KLHL4: variants seen among roughly 807,000 people sequenced by gnomAD.
KLHL4 encodes the protein kelch like family member 4.
In KLHL4, 17 loss-of-function variants were observed where a neutral mutation model predicts 45.8. That is an observed-to-expected ratio of 0.37 (90% CI 0.25 to 0.56). The LOEUF is 0.56. Among genes scored for constraint, KLHL4 ranks in the 20% least tolerant of loss-of-function variants. The pLI is 0.79. For synonymous variants in KLHL4, 224 were observed against 189.9 expected, an observed-to-expected ratio of 1.18 and a Z score of -1.47; for missense variants, 544 against 544.9, an observed-to-expected ratio of 1.00 and a Z score of 0.02.
chrX:87,628,397 A>T (rs1923003206), intron 6 of KLHL4, among the ~76,000 whole-genome samples: 1 of 111,929 alleles, frequency 8.9e-6, no homozygotes, highest in Admixed American at 9.5e-5. Flanking sequence ...AAAAAAAAGA[A>T]AAAAGAGAAA....
At chrX:87,521,698 C>T (rs1931004832) in intron 1 of KLHL4, among the ~76,000 whole-genome samples, 1 of 112,118 alleles carries the variant, frequency 8.9e-6, no homozygotes, top group South Asian at 3.7e-4. Flanking sequence ...GGGTACTTCT[C>T]CTGTGCCAAG....
chrX:87,575,186 C>T (rs1165820958), intron 1 of KLHL4, among the ~76,000 whole-genome samples: 1 of 111,656 alleles, frequency 9.0e-6, no homozygotes, highest in Non-Finnish European at 1.9e-5. Context: ...TAATGGTCCG[C>T]GGTCTGATAG....
intron 1 of KLHL4, 91 bp from the exon 2 acceptor site, chrX:87,613,786 C>G: frequency 9.9e-6 from 6 of 604,206 alleles, no homozygotes; most frequent in Non-Finnish European, 1.4e-5. Context: ...GCCTAAATTT[C>G]CACTACATGT....
chrX:87,622,427 T>C lies in KLHL4; in HGVS notation c.1137+4T>C, dbSNP rs1922782721. 3 of 1,142,886 alleles carry C rather than the reference T, an allele frequency of 2.6e-6. No individual in the cohort carries two copies. The highest frequency in any genetic ancestry group is 3.6e-6 in the Non-Finnish European group (3 of 842,146). The allele number at this position is 1,142,886 out of a possible 1,213,427, so 94.2% of individuals were successfully genotyped here. ...ACTGCCATTACTCCCACCACAGGTA[T>C]GGAAAATTACCTAGGTAATTTAAAA... On this transcript the variant is annotated splice_donor_region_variant and intron_variant, in intron 5 of 10. Coordinates refer to ENST00000373119, the MANE Select transcript of KLHL4 (RefSeq NM_019117.5).
At chrX:87,620,674 T>C (rs1056384203) in intron 4 of KLHL4, among the ~76,000 whole-genome samples, 11 of 112,457 alleles carry the variant, frequency 9.8e-5, no homozygotes, top group East Asian at 2.8e-4. Context: ...ATATCACTTA[T>C]GAAAAGCAGT....
In KLHL4 at chrX:87,623,868, T is replaced by A. The variant is rs191228380; in HGVS notation, c.1137+1445T>A. The stretch of plus-strand genomic sequence containing the variant: ...GTTTGGGTGAAGGTATACACTTATA[T>A]GTATTATTTTCAAGAAAAGTTCTAT... On this transcript the variant is annotated intron_variant, in intron 5 of 10. Transcript: ENST00000373119. Among the ~76,000 whole-genome samples the A allele has an allele frequency of 4.6e-3, 518 of 111,775 alleles. 2 individuals carry two copies. The highest frequency in any genetic ancestry group is 9.1e-3 in the Admixed American group (95 of 10,418).
intron 9 of KLHL4, among the ~76,000 whole-genome samples, chrX:87,646,352 T>C (rs757989195): frequency 1.3e-3 from 149 of 111,676 alleles, no homozygotes; most frequent in Non-Finnish European, 1.9e-3. Context: ...GCATTTGCCT[T>C]TATAATACCA....
intron 1 of KLHL4, among the ~76,000 whole-genome samples, chrX:87,598,512 A>G (rs1264627940): frequency 4.5e-5 from 5 of 111,730 alleles, no homozygotes; most frequent in African/African-American, 1.6e-4. Flanking sequence ...GAATACATGA[A>G]TTAACTAAAG....
intron 1 of KLHL4, among the ~76,000 whole-genome samples, chrX:87,594,193 C>G (rs1293649900): frequency 1.8e-5 from 2 of 111,762 alleles, no homozygotes; most frequent in African/African-American, 6.5e-5. Flanking sequence ...TAAACTTTGC[C>G]AGCTTCAATT....
rs187400227 is a variant in KLHL4, at chrX:87,559,142, G to A, written c.422+40827G>A. Among the ~76,000 whole-genome samples the A allele has an allele frequency of 1.6e-3, 175 of 111,616 alleles. 1 individual carries two copies. Among genetic ancestry groups the A allele is most frequent in the Non-Finnish European group, 2.8e-3 (147 of 53,049 alleles). On this transcript the variant is annotated intron_variant, in intron 1 of 10. Transcript: ENST00000373119. ...ACACATACATGAATAAGTGTGACAG[G>A]GTCGCAATAAAACCACATTTATGGA... is the stretch of plus-strand genomic sequence containing the variant.
chrX:87,571,208 C>T (rs776994412), intron 1 of KLHL4, among the ~76,000 whole-genome samples: 101 of 110,567 alleles, frequency 9.1e-4, no homozygotes, highest in Non-Finnish European at 1.1e-3. Flanking sequence ...TTAATCAATT[C>T]GTATGCATTT....
chrX:87,614,487 T>A lies in KLHL4; in HGVS notation c.644T>A (p.Val215Glu). Reference sequence around the variant, plus strand: ...TTTGCTGCAATGTTTACTAATGATGTGCTTGAAGCCAAACAAGAAGAGGTC... The same window carrying A: ...TTTGCTGCAATGTTTACTAATGATGAGCTTGAAGCCAAACAAGAAGAGGTC... ...DYFAAMFTND[V>E]LEAKQEEVRM... Residue 215 changes from valine (V) to glutamate (E), a missense_variant, in exon 3 of 11, where the codon GTG becomes GAG. Coordinates refer to ENST00000373119, the MANE Select transcript of KLHL4 (RefSeq NM_019117.5). The A allele has an allele frequency of 8.3e-7, 1 of 1,208,894 alleles. No homozygotes were observed. Among genetic ancestry groups the A allele is most frequent in the Non-Finnish European group, 1.1e-6 (1 of 893,257 alleles).
At chrX:87,549,241 T>C (rs1181267639) in intron 1 of KLHL4, among the ~76,000 whole-genome samples, 1 of 110,992 alleles carries the variant, frequency 9.0e-6, no homozygotes, top group Non-Finnish European at 1.9e-5. Context: ...TAAATATATA[T>C]GCATCCAAGA....
intron 6 of KLHL4, among the ~76,000 whole-genome samples, chrX:87,630,201 A>G (rs1487746122): frequency 8.9e-6 from 1 of 111,778 alleles, no homozygotes; most frequent in African/African-American, 3.2e-5. Context: ...GACACTGCCA[A>G]TGGTTATGCT....
chrX:87,655,399 A>G (rs1298636539), intron 9 of KLHL4, among the ~76,000 whole-genome samples: 1 of 111,964 alleles, frequency 8.9e-6, no homozygotes, highest in Non-Finnish European at 1.9e-5. Flanking sequence ...TAGGATTGTT[A>G]CATCTTTTTG....
intron 1 of KLHL4, among the ~76,000 whole-genome samples, chrX:87,545,297 A>G (rs1931649187): frequency 8.9e-6 from 1 of 111,805 alleles, no homozygotes; most frequent in African/African-American, 3.3e-5. Flanking sequence ...ATCTCATCTC[A>G]AATTGGAATT....
chrX:87,521,612 G>A (rs1348600891), intron 1 of KLHL4, among the ~76,000 whole-genome samples: 1 of 111,556 alleles, frequency 9.0e-6, no homozygotes, highest in African/African-American at 3.3e-5. Flanking sequence ...TTTGGATGAG[G>A]TAATATTTGA....
intron 1 of KLHL4, among the ~76,000 whole-genome samples, chrX:87,602,367 C>G (rs1226875624): frequency 8.9e-6 from 1 of 111,766 alleles, no homozygotes; most frequent in African/African-American, 3.2e-5. Context: ...CACTGACTCA[C>G]TCATTCACCC....
chrX:87,579,171 T>C (rs1390989499), intron 1 of KLHL4, among the ~76,000 whole-genome samples: 7 of 109,998 alleles, frequency 6.4e-5, no homozygotes, highest in Non-Finnish European at 1.1e-4. Context: ...CAGCCTATGG[T>C]ACAAAAGGAA....
Sources: gnomAD v4.1 joint callset for allele counts (sites outside exome capture counted in the v4.1 genomes callset) on GRCh38, gnomAD v4.1.1 for gene constraint, MANE v1.5 for transcripts, NCBI Gene and HGNC (gene_info 2026-07-23, HGNC 2026-07-21) for gene names.